TNIP1: variants seen among roughly 807,000 people sequenced by gnomAD.
TNIP1 encodes the protein TNFAIP3 interacting protein 1, also known as TNFAIP3-interacting protein 1.
A neutral mutation model predicts 86.6 loss-of-function variants in TNIP1; 22 were observed. The observed-to-expected ratio is 0.25, with a 90% CI of 0.18 to 0.36. TNIP1 has a LOEUF of 0.36. Among genes scored for constraint, TNIP1 ranks in the 10% least tolerant of loss-of-function variants. The pLI is 1.00. For missense variants in TNIP1, 709 were observed against 820.6 expected (o/e 0.86, Z 1.66); for synonymous variants, 294 against 313.0 (o/e 0.94, Z 0.64).
Position 151,036,774 on chromosome 5 carries a change from C to T in TNIP1, c.1395+16G>A. The T allele has an allele frequency of 6.2e-7, 1 of 1,613,930 alleles. No individual in the cohort carries two copies. The highest frequency in any genetic ancestry group is 1.1e-5 in the South Asian group (1 of 91,066). ...CACAGAGCACCTCCCACCTGATTTC[C>T]TCCCGGAAGCCTCACCTGCTGTTTC... On this transcript the variant is annotated intron_variant, in intron 13 of 17. Transcript: ENST00000521591.
chr5:151,085,019 T>G (rs747817236), upstream of TNIP1, among the ~76,000 whole-genome samples: 5 of 152,212 alleles, frequency 3.3e-5, no homozygotes, highest in Non-Finnish European at 5.9e-5. Context: ...ACATTTTTAA[T>G]TCTCTCTATC....
intron 13 of TNIP1, among the ~76,000 whole-genome samples, chr5:151,036,090 C>T (rs7727250): frequency 0.82 from 124,124 of 152,150 alleles, 50,793 homozygotes; most frequent in East Asian, 0.97. Flanking sequence ...CTACAAACTC[C>T]GCTAGGGCTC....
chr5:151,045,603 T>C (rs148807629), intron 9 of TNIP1, among the ~76,000 whole-genome samples: 10 of 152,328 alleles, frequency 6.6e-5, no homozygotes, highest in East Asian at 5.8e-4. Context: ...GCCTAAACTG[T>C]AGCCCCAACA....
chr5:151,036,699 G>A, intron 13 of TNIP1, 91 bp downstream of exon 13: 1 of 1,590,436 alleles, frequency 6.3e-7, no homozygotes, highest in Non-Finnish European at 8.6e-7. Context: ...ACTAATTACA[G>A]GTTCCATGTG....
intron 6 of TNIP1, among the ~76,000 whole-genome samples, chr5:151,055,373 C>T (rs1760525279): frequency 6.6e-6 from 1 of 152,088 alleles, no homozygotes; most frequent in South Asian, 2.1e-4. Context: ...AGGATCTATC[C>T]CCATCTCAAA....
intron 2 of TNIP1, among the ~76,000 whole-genome samples, chr5:151,064,298 C>A (rs1761967845): frequency 1.3e-5 from 2 of 152,226 alleles, no homozygotes; most frequent in South Asian, 4.1e-4. Context: ...GGGCTATGCT[C>A]CCCTCTAAAA....
At chr5:151,084,810 C>T (rs993711044), upstream of TNIP1, among the ~76,000 whole-genome samples, 3 of 152,094 alleles carry the variant, frequency 2.0e-5, no homozygotes, top group Non-Finnish European at 4.4e-5. Context: ...AGTGTAAGAC[C>T]CTCCAGTGGA....
rs374148841 is a variant in TNIP1, at chr5:151,056,955, C to T, written c.438G>A (p.Ala146=). Residue 146 remains alanine, a splice_region_variant and synonymous_variant, in exon 6 of 18, where the codon GCG becomes GCA. Transcript: ENST00000521591. The part of the protein sequence containing the change: ...PESSSHANAM[A]LGPLPREDGN... Reference sequence around the variant, plus strand: ...CGTCCTCACGGGGCAGGGGGCCCAGCGCCTGGAGAGGGAAAGGGCACACGG... The same window carrying T: ...CGTCCTCACGGGGCAGGGGGCCCAGTGCCTGGAGAGGGAAAGGGCACACGG... 8.0e-5 allele frequency: 121 copies of T among 1,503,392 alleles called. 1 individual carries two copies. Among genetic ancestry groups the T allele is most frequent in the East Asian group, 6.5e-4 (25 of 38,758 alleles). 93.1% of individuals were successfully genotyped at this position (1,503,392 alleles called of 1,614,324 possible). A position where few individuals can be genotyped will look rare whatever the true frequency, so the allele number is the denominator to read the frequency against.
At position 151,056,837 on chromosome 5, in the gene TNIP1, G is replaced by A. The variant is rs1464861268; in HGVS notation, c.556C>T (p.Arg186Cys). The A allele has an allele frequency of 1.2e-5, 19 of 1,599,366 alleles. No individual in the cohort carries two copies. The East Asian group carries it at 1.9e-4, about 16-fold the overall frequency. ...AGTCGGTTGAACTCCAGGGCCATGCGGCCCAGGTGGGTGAAGAGCTGGCCG... is the reference window on the plus strand; with the variant it reads ...AGTCGGTTGAACTCCAGGGCCATGCAGCCCAGGTGGGTGAAGAGCTGGCCG... ...DHGQLFTHLG[R>C]MALEFNRLAS... The change falls in exon 6 of 18, where the codon CGC becomes TGC. Residue 186 changes from arginine (R) to cysteine (C), a missense_variant. Physicochemically the swap from Arg to Cys is radical, Grantham distance 180. Coordinates refer to ENST00000521591, the MANE Select transcript of TNIP1 (RefSeq NM_006058.5).
Position 151,049,885 on chromosome 5 carries a change from C to A in TNIP1, c.785G>T (p.Gly262Val). 1 of 1,614,208 alleles carries A rather than the reference C, an allele frequency of 6.2e-7. No homozygotes were observed. Among genetic ancestry groups the A allele is most frequent in the Non-Finnish European group, 8.5e-7 (1 of 1,180,036 alleles). ...TTCCATCTTCGGTGAGCCTGGCCGC[C>A]CAGACGCACCCTCTTTGTTGCCATT... Reference protein sequence around the residue: ...MSNGNKEGASGRPGSPKMEGT... With the variant: ...MSNGNKEGASVRPGSPKMEGT... Residue 262 changes from glycine (G) to valine (V), a missense_variant, in exon 8 of 18, where the codon GGG becomes GTG. Transcript: ENST00000521591.
chr5:151,035,574 A>T lies in TNIP1; in HGVS notation c.1521+8T>A. Reference sequence around the variant, plus strand: ...CCAGTTGCCCTTCCTGGGTCCAGTCACTCTTACCTGGGCATTTGACAGGGT... The same window carrying T: ...CCAGTTGCCCTTCCTGGGTCCAGTCTCTCTTACCTGGGCATTTGACAGGGT... On this transcript the variant is annotated splice_region_variant and intron_variant, in intron 14 of 17. Coordinates refer to ENST00000521591, the MANE Select transcript of TNIP1 (RefSeq NM_006058.5). 1.9e-6 allele frequency: 3 copies of T among 1,613,742 alleles called. No homozygotes were observed. The South Asian group carries it at 3.3e-5, about 18-fold the overall frequency.
At chr5:151,056,721 G>A (rs1581830154) in intron 6 of TNIP1, 45 bp downstream of exon 6, 1 of 1,431,256 alleles carries the variant, frequency 7.0e-7, no homozygotes, top group East Asian at 2.7e-5. Context: ...AGCTCGGGGG[G>A]AAGCACGCCT....
chr5:151,047,701 A>C (rs536796166), intron 8 of TNIP1, among the ~76,000 whole-genome samples: 1 of 151,784 alleles, frequency 6.6e-6, no homozygotes, highest in African/African-American at 2.4e-5. Flanking sequence ...AAAGGTTTAA[A>C]GGTTAAAAAA....
At chr5:151,084,490 C>T (rs1764202912), upstream of TNIP1, among the ~76,000 whole-genome samples, 1 of 151,628 alleles carries the variant, frequency 6.6e-6, no homozygotes, top group Admixed American at 6.6e-5. Flanking sequence ...CCAGTCTTTT[C>T]ATTGTAGGGC....
intron 9 of TNIP1, among the ~76,000 whole-genome samples, chr5:151,045,126 C>G (rs935015388): frequency 2.6e-5 from 4 of 151,898 alleles, no homozygotes; most frequent in African/African-American, 4.8e-5. Flanking sequence ...GGGTCTTGCT[C>G]TGTTGCCCAG....
intron 9 of TNIP1, 25 bp downstream of exon 9, chr5:151,045,836 C>T (rs759156600): frequency 1.2e-6 from 2 of 1,611,914 alleles, no homozygotes; most frequent in Non-Finnish European, 1.7e-6. Context: ...GGGATCCTCC[C>T]ACTACTGCCA....
At position 151,063,408 on chromosome 5, in the gene TNIP1, C is replaced by T. The variant is rs1761832038; in HGVS notation, c.271+205G>A. On this transcript the variant is annotated intron_variant, in intron 3 of 17. Coordinates refer to ENST00000521591, the MANE Select transcript of TNIP1 (RefSeq NM_006058.5). ...GGCCTCAGGAGTGCTGAGTCACTGG[C>T]TATTTTTAACAAGATTGTTTTGAAG... Among the ~76,000 whole-genome samples, 3 of 152,202 alleles carry T rather than the reference C, an allele frequency of 2.0e-5. 1 individual carries two copies. The highest frequency in any genetic ancestry group is 2.0e-4 in the Admixed American group (3 of 15,282).
At chr5:151,038,951 G>A (rs1758051258) in intron 12 of TNIP1, 146 bp downstream of exon 12, 1 of 1,140,108 alleles carries the variant, frequency 8.8e-7, no homozygotes, top group East Asian at 2.7e-5. Flanking sequence ...GGGAGGCAAT[G>A]GCAGAGCAGG....
intron 5 of TNIP1, among the ~76,000 whole-genome samples, chr5:151,059,844 TGTGTGTGTGTGTGTGTGTGTGTGCGCGC>T (rs1215058925): frequency 1.2e-4 from 11 of 95,584 alleles, no homozygotes; most frequent in Non-Finnish European, 1.6e-4. Flanking sequence ...TGTGTGTGTG[TGTGTGTGTGTGTGTGTGTGTGTGCGCGC>T]GCGCGCGCGC....
Sources: gnomAD v4.1 joint callset for allele counts (sites outside exome capture counted in the v4.1 genomes callset) on GRCh38, gnomAD v4.1.1 for gene constraint, MANE v1.5 for transcripts, NCBI Gene and HGNC (gene_info 2026-07-23, HGNC 2026-07-21) for gene names.